Variants in GCNT3 observed in about 807,000 individuals in gnomAD.
The protein encoded by GCNT3 is beta-1,3-galactosyl-O-glycosyl-glycoprotein beta-1,6-N-acetylglucosaminyltransferase 3.
For synonymous variants in GCNT3, 269 were observed against 195.2 expected (o/e 1.38, Z -3.15); for missense variants, 708 against 530.3 (o/e 1.34, Z -3.29).
chr15:59,618,567 G>A lies in GCNT3; in HGVS notation c.329G>A (p.Cys110Tyr). The A allele has an allele frequency of 6.2e-7, 1 of 1,614,118 alleles. No individual in the cohort carries two copies. The highest frequency in any genetic ancestry group is 8.5e-7 in the Non-Finnish European group (1 of 1,179,974). The change falls in exon 3 of 3, where the codon TGT becomes TAT. Residue 110 changes from cysteine (C) to tyrosine (Y), a missense_variant. By Grantham distance (194) the Cys-to-Tyr change is radical. Coordinates refer to ENST00000396065, the MANE Select transcript of GCNT3 (RefSeq NM_004751.3). ...CACTACCTCTCCCTCACCAGAGACTGTGAGCACTTCAAGGCTGAAAGGAAG... is the reference window on the plus strand; with the variant it reads ...CACTACCTCTCCCTCACCAGAGACTATGAGCACTTCAAGGCTGAAAGGAAG... ...DTHYLSLTRD[C>Y]EHFKAERKFI...
intron 1 of GCNT3, among the ~76,000 whole-genome samples, chr15:59,615,809 G>C (rs2082717111): frequency 6.6e-6 from 1 of 152,060 alleles, no homozygotes; most frequent in Admixed American, 6.6e-5. Context: ...GATGGCTTGA[G>C]CCCAGGAGGA....
intron 1 of GCNT3, among the ~76,000 whole-genome samples, chr15:59,614,267 A>C (rs1397062773): frequency 3.9e-5 from 6 of 152,188 alleles, no homozygotes; most frequent in Admixed American, 3.3e-4. Context: ...GTACCGCAGA[A>C]AACAGCCTGT....
chr15:59,617,743 T>C (rs1218820378), intron 2 of GCNT3, among the ~76,000 whole-genome samples: 2 of 152,238 alleles, frequency 1.3e-5, no homozygotes, highest in Non-Finnish European at 2.9e-5. Context: ...AGAAATGTTT[T>C]GAAAGGACCT....
At position 59,618,413 on chromosome 15, in the gene GCNT3, T is replaced by A; in HGVS notation, c.175T>A (p.Phe59Ile). 1 of 1,614,134 alleles carries A rather than the reference T, an allele frequency of 6.2e-7. No individual in the cohort carries two copies. Among genetic ancestry groups the A allele is most frequent in the Non-Finnish European group, 8.5e-7 (1 of 1,179,984 alleles). ...SQYCRNILYN[F>I]LKLPAKRSIN... is the part of the protein sequence containing the mutation. ...GTACTGTAGGAATATCTTGTATAAT[T>A]TCCTGAAACTTCCAGCAAAGAGGTC... is the stretch of plus-strand genomic sequence containing the variant. Residue 59 changes from phenylalanine (F) to isoleucine (I), a missense_variant, in exon 3 of 3, where the codon TTC becomes ATC. Transcript: ENST00000396065.
intron 1 of GCNT3, among the ~76,000 whole-genome samples, chr15:59,614,291 C>G (rs1159885971): frequency 2.0e-5 from 3 of 152,114 alleles, no homozygotes; most frequent in African/African-American, 7.2e-5. Flanking sequence ...GCAGGGCCCA[C>G]GTAGGGGTGC....
rs370387567 is a variant in GCNT3, at chr15:59,618,561, G to C, written c.323G>C (p.Arg108Thr). The C allele has an allele frequency of 1.1e-5, 17 of 1,613,982 alleles. No individual in the cohort carries two copies. The highest frequency in any genetic ancestry group is 2.2e-5 in the East Asian group (1 of 44,900). ...GACACCCACTACCTCTCCCTCACCA[G>C]AGACTGTGAGCACTTCAAGGCTGAA... ...FTDTHYLSLT[R>T]DCEHFKAERK... Residue 108 changes from arginine to threonine, a missense_variant, in exon 3 of 3, where the codon AGA becomes ACA. Physicochemically the swap from Arg to Thr is moderately conservative, Grantham distance 71. Coordinates refer to ENST00000396065, the MANE Select transcript of GCNT3 (RefSeq NM_004751.3).
rs146276451 is a variant in GCNT3, at chr15:59,613,305, G to A, written c.-251+1324G>A. 2.0e-3 allele frequency among the ~76,000 whole-genome samples: 303 copies of A among 152,036 alleles called. 3 individuals are homozygous for A. Among genetic ancestry groups the A allele is most frequent in the African/African-American group, 6.7e-3 (276 of 41,474 alleles). ...TGGGCTTTATTACTAGGTACTTGAC[G>A]TTACTATAATGTAGACCATCTCAAC... On this transcript the variant is annotated intron_variant, in intron 1 of 2. Transcript: ENST00000396065.
rs1331087016 is a variant in GCNT3, at chr15:59,618,630, T to A, written c.392T>A (p.Phe131Tyr). The A allele has an allele frequency of 6.2e-7, 1 of 1,614,076 alleles. No individual in the cohort carries two copies. The highest frequency in any genetic ancestry group is 1.3e-5 in the African/African-American group (1 of 75,012). Residue 131 changes from phenylalanine (F) to tyrosine (Y), a missense_variant, in exon 3 of 3, where the codon TTC becomes TAC. Phe to Tyr is a conservative substitution (Grantham distance 22). Coordinates refer to ENST00000396065, the MANE Select transcript of GCNT3 (RefSeq NM_004751.3). ...QFPLSKEEVE[F>Y]PIAYSMVIHE... ...CCACTGAGCAAAGAAGAGGTGGAGT[T>A]CCCTATTGCATACTCTATGGTGATT...
intron 1 of GCNT3, among the ~76,000 whole-genome samples, chr15:59,615,965 T>A (rs1277844806): frequency 3.3e-5 from 5 of 151,876 alleles, no homozygotes; most frequent in African/African-American, 1.2e-4. Context: ...GGGGGCCGGG[T>A]TGGGGAGAAG....
intron 2 of GCNT3, among the ~76,000 whole-genome samples, chr15:59,617,123 T>A (rs1265470277): frequency 6.6e-6 from 1 of 151,338 alleles, no homozygotes. Context: ...CATATTCATC[T>A]TAGGATTTCA....
chr15:59,615,977 T>A (rs2082717927), intron 1 of GCNT3, among the ~76,000 whole-genome samples: 1 of 152,172 alleles, frequency 6.6e-6, no homozygotes, highest in South Asian at 2.1e-4. Context: ...GGGGAGAAGC[T>A]AACAATGTCA....
rs2082725264 is a variant in GCNT3, at chr15:59,617,473, T to C, written c.-61+592T>C. On this transcript the variant is annotated intron_variant, in intron 2 of 2. Coordinates refer to ENST00000396065, the MANE Select transcript of GCNT3 (RefSeq NM_004751.3). ...ATTTCAGATTGGTTGTGAAGGTTAT[T>C]AAATGGGACAGTGTAAATAAATATT... Among the ~76,000 whole-genome samples the C allele has an allele frequency of 2.0e-5, 3 of 152,292 alleles. No homozygotes were observed. The South Asian group carries it at 6.2e-4, about 32-fold the overall frequency.
chr15:59,612,286 C>A lies in GCNT3; in HGVS notation c.-251+305C>A, dbSNP rs141700977. Reference sequence around the variant, plus strand: ...GCTTTTGGCCCATAGGAAGCCTGAACTAGTGATTAGGAGAAAAAGATTGAG... The same window carrying A: ...GCTTTTGGCCCATAGGAAGCCTGAAATAGTGATTAGGAGAAAAAGATTGAG... On this transcript the variant is annotated intron_variant, in intron 1 of 2. Coordinates refer to ENST00000396065, the MANE Select transcript of GCNT3 (RefSeq NM_004751.3). Among the ~76,000 whole-genome samples the A allele has an allele frequency of 1.9e-4, 29 of 152,268 alleles. 1 individual carries two copies. Among genetic ancestry groups the A allele is most frequent in the African/African-American group, 7.0e-4 (29 of 41,554 alleles).
Position 59,618,463 on chromosome 15 carries a change from AG to A in GCNT3, c.229del (p.Asp77ThrfsTer10). ...CTATCAACTGTTCAGGGGTCACCCG[AG>A]GGGACCAAGAGGCAGTGCTTCAGGC... The part of the protein sequence containing the change: ...RSINCSGVTR[G>X]DQEAVLQAIL... On this transcript the variant is annotated frameshift_variant, in exon 3 of 3. Transcript: ENST00000396065. LOFTEE classifies it low-confidence loss of function (END_TRUNC). The A allele has an allele frequency of 1.2e-6, 2 of 1,613,800 alleles. No individual in the cohort carries two copies. The highest frequency in any genetic ancestry group is 1.7e-6 in the Non-Finnish European group (2 of 1,179,694).
At chr15:59,613,579 A>AAT (rs1287821148) in intron 1 of GCNT3, among the ~76,000 whole-genome samples, 11 of 134,802 alleles carry the variant, frequency 8.2e-5, no homozygotes, top group African/African-American at 2.5e-4. Flanking sequence ...TAAATAAATA[A>AAT]AAATAAAAAT....
rs750733868 is a variant in GCNT3, at chr15:59,619,029, G to T, written c.791G>T (p.Arg264Leu). ...SEVPPKHKET[R>L]WKYHFEVVRD... is the part of the protein sequence containing the mutation. ...GTACCTCCTAAGCACAAAGAAACCCGCTGGAAATATCACTTTGAGGTAGTG... is the reference window on the plus strand; with the variant it reads ...GTACCTCCTAAGCACAAAGAAACCCTCTGGAAATATCACTTTGAGGTAGTG... The change falls in exon 3 of 3, where the codon CGC becomes CTC. Residue 264 changes from arginine to leucine, a missense_variant. Physicochemically the swap from Arg to Leu is moderately radical, Grantham distance 102. Transcript: ENST00000396065. The T allele has an allele frequency of 6.2e-6, 10 of 1,614,122 alleles. No homozygotes were observed. Among genetic ancestry groups the T allele is most frequent in the South Asian group, 1.1e-5 (1 of 91,086 alleles).
In GCNT3 at chr15:59,620,366, C is replaced by G. The variant is rs1338074826; in HGVS notation, c.*811C>G. On this transcript the variant is annotated 3_prime_UTR_variant, in exon 3 of 3. Coordinates refer to ENST00000396065, the MANE Select transcript of GCNT3 (RefSeq NM_004751.3). The stretch of plus-strand genomic sequence containing the variant: ...TATTTTTAGTAGAGGCCGGGTTTCA[C>G]CATATTCGCCAGGCTGGTCTTGAAC... 1.2e-5 allele frequency: 2 copies of G among 166,950 alleles called. No homozygotes were observed. Among genetic ancestry groups the G allele is most frequent in the African/African-American group, 4.8e-5 (2 of 41,428 alleles). The allele number at this position is 166,950 out of a possible 1,614,324, so 10.3% of individuals were successfully genotyped here. A position where few individuals can be genotyped will look rare whatever the true frequency, so the allele number is the denominator to read the frequency against.
In GCNT3 at chr15:59,619,408, C is replaced by T. The variant is rs959110439; in HGVS notation, c.1170C>T (p.Ile390=). 1 of 1,614,136 alleles carries T rather than the reference C, an allele frequency of 6.2e-7. No individual in the cohort carries two copies. Among genetic ancestry groups the T allele is most frequent in the Non-Finnish European group, 8.5e-7 (1 of 1,180,022 alleles). ...APCSGIHQRA[I]CVYGAGDLNW... ...GCTCTGGAATCCACCAGCGGGCTAT[C>T]TGCGTTTATGGGGCTGGGGACTTGA... Residue 390 remains isoleucine (I), a synonymous_variant, in exon 3 of 3, where the codon ATC becomes ATT. Coordinates refer to ENST00000396065, the MANE Select transcript of GCNT3 (RefSeq NM_004751.3).
At chr15:59,617,096 AT>A (rs1163266308) in intron 2 of GCNT3, among the ~76,000 whole-genome samples, 1 of 120,940 alleles carries the variant, frequency 8.3e-6, no homozygotes, top group East Asian at 2.4e-4. Context: ...TATTGTATTT[AT>A]TTTTTCTTTT....
Sources: gnomAD v4.1 joint callset for allele counts (sites outside exome capture counted in the v4.1 genomes callset) on GRCh38, gnomAD v4.1.1 for gene constraint, MANE v1.5 for transcripts, NCBI Gene and HGNC (gene_info 2026-07-23, HGNC 2026-07-21) for gene names.